The following ANKRD42 variants were observed in gnomAD, a reference collection of about 807,000 sequenced individuals.
ANKRD42 encodes the protein ankyrin repeat domain-containing protein 42.
A neutral mutation model predicts 51.5 loss-of-function variants in ANKRD42; 43 were observed. The ratio of observed to expected loss-of-function variants is 0.83; its 90% CI spans 0.65 to 1.08. The LOEUF (loss-of-function observed/expected upper bound fraction) is 1.08. ANKRD42 is among the 50% of genes least tolerant of loss of function. ANKRD42 has a pLI of 0.00. For synonymous variants in ANKRD42, 203 were observed against 213.0 expected (o/e 0.95, Z 0.41); for missense variants, 608 against 629.3 (o/e 0.97, Z 0.36).
At chr11:83,249,511 G>C (rs1863638491), downstream of ANKRD42, among the ~76,000 whole-genome samples, 1 of 152,134 alleles carries the variant, frequency 6.6e-6, no homozygotes, top group Admixed American at 6.5e-5. Context: ...ATTTTCTTTT[G>C]AGCCATTCCA....
chr11:83,247,857 A>C (rs878856957), intron 10 of ANKRD42, 86 bp from the exon 11 acceptor site: 2 of 1,155,130 alleles, frequency 1.7e-6, no homozygotes, highest in South Asian at 3.2e-5. Context: ...TTTGCCTTAA[A>C]TACAATGTAT....
intron 5 of ANKRD42, chr11:83,214,693 G>A (rs1397641409): frequency 7.7e-6 from 3 of 388,034 alleles, no homozygotes; most frequent in Non-Finnish European, 7.0e-6. Flanking sequence ...GGTAATTGGG[G>A]TAGCCATCCC....
chr11:83,235,938 A>G (rs1383043422), intron 7 of ANKRD42, among the ~76,000 whole-genome samples: 2 of 152,250 alleles, frequency 1.3e-5, no homozygotes, highest in African/African-American at 2.4e-5. Context: ...TCATACATCT[A>G]TCATATAAAT....
At chr11:83,237,662 G>A (rs902855404) in intron 8 of ANKRD42, among the ~76,000 whole-genome samples, 61 of 152,096 alleles carry the variant, frequency 4.0e-4, no homozygotes, top group African/African-American at 1.4e-3. Flanking sequence ...GTGTGGTTTT[G>A]TTGTACCATG....
chr11:83,193,927 G>A lies in ANKRD42; in HGVS notation c.-744G>A, dbSNP rs1172739344. ...TTCCGGCGCCGAGTCTAGGGAAAGAGTTAGCGACGACGGGGAAAGAAAATG... is the reference window on the plus strand; with the variant it reads ...TTCCGGCGCCGAGTCTAGGGAAAGAATTAGCGACGACGGGGAAAGAAAATG... On this transcript the variant is annotated 5_prime_UTR_variant, in exon 1 of 11. Transcript: ENST00000533342. The A allele has an allele frequency of 2.2e-6, 1 of 455,828 alleles. No individual in the cohort carries two copies. Among genetic ancestry groups the A allele is most frequent in the Non-Finnish European group, 4.4e-6 (1 of 226,330 alleles). The allele number at this position is 455,828 out of a possible 1,614,324, so 28.2% of individuals were successfully genotyped here. A position where few individuals can be genotyped will look rare whatever the true frequency, so the allele number is the denominator to read the frequency against.
chr11:83,245,466 TA>T, intron 9 of ANKRD42, 31 bp from the exon 10 acceptor site: 9 of 1,533,014 alleles, frequency 5.9e-6, no homozygotes, highest in Non-Finnish European at 7.0e-6. Flanking sequence ...GTTATATGTC[TA>T]ACTAGGTTCC....
At chr11:83,246,459 T>C (rs1370569731) in intron 10 of ANKRD42, among the ~76,000 whole-genome samples, 1 of 152,176 alleles carries the variant, frequency 6.6e-6, no homozygotes, top group Non-Finnish European at 1.5e-5. Flanking sequence ...ACTACTGTAG[T>C]TAATAGCTGC....
At position 83,245,115 on chromosome 11, in the gene ANKRD42, G is replaced by A. The variant is rs1453824754; in HGVS notation, c.1196-383G>A. Reference sequence around the variant, plus strand: ...GACGGGGTTTCACCATGTTGGCCAGGCTGGTCTCGAACTCCTGACCTCAGG... The same window carrying A: ...GACGGGGTTTCACCATGTTGGCCAGACTGGTCTCGAACTCCTGACCTCAGG... On this transcript the variant is annotated intron_variant, in intron 9 of 10. Transcript: ENST00000533342. Among the ~76,000 whole-genome samples the A allele has an allele frequency of 3.9e-5, 6 of 152,100 alleles. No homozygotes were observed. The South Asian group carries it at 8.3e-4, about 21-fold the overall frequency.
intron 6 of ANKRD42, among the ~76,000 whole-genome samples, chr11:83,226,150 A>G (rs995129194): frequency 3.9e-5 from 6 of 152,180 alleles, no homozygotes; most frequent in Middle Eastern, 3.2e-3. Context: ...CAATCTGCAG[A>G]TGTGGAACTT....
chr11:83,251,285 TGTACTG>T (rs200182506), downstream of ANKRD42, among the ~76,000 whole-genome samples: 75 of 152,258 alleles, frequency 4.9e-4, no homozygotes, highest in East Asian at 0.014. Flanking sequence ...TCAAGCACCT[TGTACTG>T]GTCTGAGGGC....
At chr11:83,216,745 A>G (rs969728554) in intron 5 of ANKRD42, among the ~76,000 whole-genome samples, 3 of 152,170 alleles carry the variant, frequency 2.0e-5, no homozygotes, top group Non-Finnish European at 2.9e-5. Context: ...TTAAGCATAT[A>G]TCTTCAATAT....
intron 5 of ANKRD42, chr11:83,212,587 A>G (rs1252002926): frequency 7.8e-7 from 1 of 1,287,146 alleles, no homozygotes; most frequent in Non-Finnish European, 1.1e-6. Flanking sequence ...CCTTAAAGAA[A>G]CAAACACACA....
intron 8 of ANKRD42, 66 bp downstream of exon 8, chr11:83,236,575 C>T (rs1478782513): frequency 8.1e-7 from 1 of 1,235,978 alleles, no homozygotes; most frequent in Non-Finnish European, 1.1e-6. Context: ...CTTTTTTGGA[C>T]TCAAAAATCT....
downstream of ANKRD42, among the ~76,000 whole-genome samples, chr11:83,252,091 C>T (rs1181284779): frequency 6.6e-6 from 1 of 152,138 alleles, no homozygotes; most frequent in African/African-American, 2.4e-5. Context: ...AGTAAAAAAA[C>T]TGGGCAAGAC....
At chr11:83,245,407 A>G (rs1863513799) in intron 9 of ANKRD42, 91 bp from the exon 10 acceptor site, 22 of 1,358,422 alleles carry the variant, frequency 1.6e-5, no homozygotes, top group East Asian at 2.5e-5. Flanking sequence ...ACACTAGTCT[A>G]GAGGAAGAAT....
intron 6 of ANKRD42, among the ~76,000 whole-genome samples, chr11:83,226,238 C>T (rs1862881595): frequency 1.3e-5 from 2 of 151,508 alleles, no homozygotes; most frequent in Admixed American, 1.3e-4. Context: ...TACACACACA[C>T]ATACACACAC....
intron 5 of ANKRD42, among the ~76,000 whole-genome samples, chr11:83,218,171 T>C (rs1862599151): frequency 6.6e-6 from 1 of 152,234 alleles, no homozygotes; most frequent in Non-Finnish European, 1.5e-5. Context: ...TCTTTCTTAC[T>C]GTGTAATTGT....
intron 5 of ANKRD42, chr11:83,213,160 A>G: frequency 6.2e-7 from 1 of 1,601,884 alleles, no homozygotes; most frequent in Non-Finnish European, 8.5e-7. Flanking sequence ...TCAAGGACCA[A>G]TCTTGATGCC....
At chr11:83,220,318 T>TA (rs1862679598) in intron 5 of ANKRD42, among the ~76,000 whole-genome samples, 2 of 152,130 alleles carry the variant, frequency 1.3e-5, no homozygotes, top group African/African-American at 4.8e-5. Context: ...TAATTGCCTT[T>TA]AAGTGGCTGA....
Sources: gnomAD v4.1 joint callset for allele counts (sites outside exome capture counted in the v4.1 genomes callset) on GRCh38, gnomAD v4.1.1 for gene constraint, MANE v1.5 for transcripts, NCBI Gene and HGNC (gene_info 2026-07-23, HGNC 2026-07-21) for gene names.